Variants in TSNARE1 observed in about 807,000 individuals in gnomAD.
TSNARE1 encodes the protein t-SNARE domain-containing protein 1.
Under a neutral mutation model 62.0 loss-of-function variants are expected in TSNARE1, and 49 were observed. The ratio of observed to expected loss-of-function variants is 0.79; its 90% CI spans 0.63 to 1.00. The LOEUF (loss-of-function observed/expected upper bound fraction) is 1.00, where lower values mean the gene tolerates loss of function less well. TSNARE1 is among the 50% of genes least tolerant of loss of function. TSNARE1 has a pLI of 0.00. For synonymous variants in TSNARE1, 328 were observed against 294.4 expected (o/e 1.11, Z -1.17); for missense variants, 755 against 700.1 (o/e 1.08, Z -0.88).
chr8:142,341,079 A>G (rs1247621310), intron 4 of TSNARE1, among the ~76,000 whole-genome samples: 1 of 152,186 alleles, frequency 6.6e-6, no homozygotes, highest in Non-Finnish European at 1.5e-5. Context: ...AGGTGCTCAC[A>G]AAACACTCTC....
intron 13 of TSNARE1, among the ~76,000 whole-genome samples, chr8:142,213,846 A>G (rs1285035375): frequency 6.6e-6 from 1 of 152,068 alleles, no homozygotes; most frequent in Non-Finnish European, 1.5e-5. Flanking sequence ...AGCTGAGCCA[A>G]GGCACCTGGT....
intron 12 of TSNARE1, among the ~76,000 whole-genome samples, chr8:142,271,936 C>T (rs905919986): frequency 3.3e-5 from 5 of 152,030 alleles, no homozygotes; most frequent in Non-Finnish European, 7.4e-5. Context: ...AATGCAAAGC[C>T]TGCGTGCCCA....
At chr8:142,341,829 C>T (rs564262887) in intron 4 of TSNARE1, among the ~76,000 whole-genome samples, 35 of 152,330 alleles carry the variant, frequency 2.3e-4, no homozygotes, top group African/African-American at 8.4e-4. Flanking sequence ...CCCAGCACAA[C>T]CACCGGCTCA....
At chr8:142,249,683 C>T (rs762499976) in intron 12 of TSNARE1, among the ~76,000 whole-genome samples, 4 of 152,160 alleles carry the variant, frequency 2.6e-5, no homozygotes, top group African/African-American at 4.8e-5. Flanking sequence ...GCGTCAGGAC[C>T]GGCTCATGAG....
chr8:142,227,021 C>CAGGA, intron 13 of TSNARE1, among the ~76,000 whole-genome samples: 1 of 132,474 alleles, frequency 7.5e-6, no homozygotes, highest in Non-Finnish European at 1.6e-5. Context: ...ACAGCCAAGC[C>CAGGA]CCCCACTGCA....
chr8:142,219,593 T>C (rs1342855555), intron 13 of TSNARE1, among the ~76,000 whole-genome samples: 2 of 152,204 alleles, frequency 1.3e-5, no homozygotes, highest in African/African-American at 4.8e-5. Context: ...CACGTGGCCC[T>C]GCTACTGGAA....
intron 13 of TSNARE1, among the ~76,000 whole-genome samples, chr8:142,218,680 C>G (rs978989208): frequency 2.0e-5 from 3 of 152,190 alleles, no homozygotes; most frequent in Non-Finnish European, 4.4e-5. Context: ...GGTCCAAATG[C>G]CTGGCTGCCA....
At position 142,252,518 on chromosome 8, in the gene TSNARE1, C is replaced by T. The variant is rs372461787; in HGVS notation, c.1446+22263G>A. On this transcript the variant is annotated intron_variant, in intron 12 of 13. Coordinates refer to ENST00000524325, the MANE Select transcript of TSNARE1 (RefSeq NM_145003.5). Reference sequence around the variant, plus strand: ...AGAAGCGGCAGCCGCCTGTGCCCAGCGCCCCAGCAGGAGCTACCTGCATGG... The same window carrying T: ...AGAAGCGGCAGCCGCCTGTGCCCAGTGCCCCAGCAGGAGCTACCTGCATGG... Among the ~76,000 whole-genome samples, 158 of 152,358 alleles carry T rather than the reference C, an allele frequency of 1.0e-3. No homozygotes were observed. The East Asian group carries it at 0.022, about 22-fold the overall frequency.
At chr8:142,309,702 G>C (rs1384170776) in intron 9 of TSNARE1, among the ~76,000 whole-genome samples, 19 of 152,148 alleles carry the variant, frequency 1.2e-4, no homozygotes, top group Non-Finnish European at 2.6e-4. Flanking sequence ...AGACAGGCAT[G>C]TTATTTTCCT....
At chr8:142,326,799 T>C (rs1259074320) in intron 6 of TSNARE1, among the ~76,000 whole-genome samples, 1 of 152,206 alleles carries the variant, frequency 6.6e-6, no homozygotes, top group Non-Finnish European at 1.5e-5. Flanking sequence ...GATCAGGACA[T>C]GGGCAAAGGA....
At chr8:142,253,735 C>T (rs1224469395) in intron 12 of TSNARE1, among the ~76,000 whole-genome samples, 2 of 152,232 alleles carry the variant, frequency 1.3e-5, no homozygotes, top group Non-Finnish European at 2.9e-5. Flanking sequence ...CCCCAAGTGG[C>T]AATGGTGACC....
At chr8:142,360,538 C>T (rs1342336429) in intron 1 of TSNARE1, among the ~76,000 whole-genome samples, 4 of 152,164 alleles carry the variant, frequency 2.6e-5, no homozygotes, top group Non-Finnish European at 4.4e-5. Context: ...CCACTTGCTC[C>T]CAAGGAGGCT....
intron 12 of TSNARE1, chr8:142,271,677 C>G (rs35674714): frequency 7.2e-7 from 1 of 1,379,976 alleles, no homozygotes; most frequent in Non-Finnish European, 9.3e-7. Context: ...CTGGGGGTCT[C>G]GTCCTCCTCA....
intron 9 of TSNARE1, among the ~76,000 whole-genome samples, chr8:142,305,952 G>C (rs530930166): frequency 2.0e-5 from 3 of 152,340 alleles, no homozygotes; most frequent in Non-Finnish European, 4.4e-5. Flanking sequence ...TCAGAAAGCA[G>C]GGACCCGAGG....
intron 11 of TSNARE1, chr8:142,275,636 A>G: frequency 1.0e-6 from 1 of 985,406 alleles, no homozygotes; most frequent in Non-Finnish European, 1.2e-6. Flanking sequence ...AGCAAACACG[A>G]GCACGGGCAA....
intron 10 of TSNARE1, among the ~76,000 whole-genome samples, chr8:142,290,866 T>C (rs1472302376): frequency 1.3e-5 from 2 of 152,190 alleles, no homozygotes; most frequent in Non-Finnish European, 2.9e-5. Flanking sequence ...CTGAGCTCTG[T>C]ACCTGGGTCA....
intron 10 of TSNARE1, among the ~76,000 whole-genome samples, chr8:142,290,469 C>T (rs1328240391): frequency 6.6e-6 from 1 of 152,220 alleles, no homozygotes; most frequent in East Asian, 1.9e-4. Context: ...GCGGAAAAAG[C>T]CCCTTGCACG....
At chr8:142,356,627 C>A (rs114016179) in intron 1 of TSNARE1, among the ~76,000 whole-genome samples, 1 of 152,200 alleles carries the variant, frequency 6.6e-6, no homozygotes, top group Non-Finnish European at 1.5e-5. Flanking sequence ...AACTTTAACA[C>A]GTAACAGCAT....
chr8:142,365,999 C>A, intron 1 of TSNARE1: 1 of 408,892 alleles, frequency 2.4e-6, no homozygotes. Flanking sequence ...TCCAATGTGC[C>A]AAAAATTGTC....
Sources: allele counts gnomAD v4.1 joint callset (sites outside exome capture counted in the v4.1 genomes callset), GRCh38; gene constraint gnomAD v4.1.1; transcripts MANE v1.5; gene names NCBI Gene and HGNC (gene_info 2026-07-23, HGNC 2026-07-21).